The following SH3BGRL variants were observed in gnomAD, a reference collection of about 807,000 sequenced individuals.
SH3BGRL encodes the protein SH3 domain binding glutamate rich protein like.
In SH3BGRL, 7 loss-of-function variants were observed where a neutral mutation model predicts 9.8. That is an observed-to-expected ratio of 0.72 (90% confidence interval 0.41 to 1.35). The LOEUF is 1.35. Among genes scored for constraint, SH3BGRL ranks in the 40% most tolerant of loss-of-function variants. The pLI is 0.01. For synonymous variants in SH3BGRL, 36 were observed against 29.1 expected, an observed-to-expected ratio of 1.24 and a Z score of -0.76; for missense variants, 73 against 84.4, an observed-to-expected ratio of 0.86 and a Z score of 0.53.
At chrX:81,282,858 T>C (rs1465299425) in intron 3 of SH3BGRL, among the ~76,000 whole-genome samples, 9 of 110,671 alleles carry the variant, frequency 8.1e-5, no homozygotes, top group African/African-American at 3.0e-4. Flanking sequence ...AACAAAAAAA[T>C]ACAAAAGATA....
At chrX:81,225,343 G>A (rs150845611) in intron 1 of SH3BGRL, among the ~76,000 whole-genome samples, 2,012 of 110,001 alleles carry the variant, frequency 0.018, 46 homozygotes, top group African/African-American at 0.062. Context: ...ATATTACATC[G>A]TGCACTCATC....
At chrX:81,227,013 T>C (rs1051987491) in intron 1 of SH3BGRL, among the ~76,000 whole-genome samples, 2 of 112,436 alleles carry the variant, frequency 1.8e-5, no homozygotes, top group Admixed American at 1.9e-4. Flanking sequence ...CATTTATCCT[T>C]GTGCAGTTCA....
chrX:81,273,849 A>C (rs1164697585), intron 1 of SH3BGRL, among the ~76,000 whole-genome samples: 1 of 111,052 alleles, frequency 9.0e-6, no homozygotes, highest in African/African-American at 3.3e-5. Context: ...GAGCTTGCTA[A>C]GACTTGTGGG....
Position 81,294,987 on chromosome X carries a change from G to T in SH3BGRL, c.313-2208G>T, listed in dbSNP as rs1287136046. The stretch of plus-strand genomic sequence containing the variant: ...TGTTTTGGCCAATTTCTCCCATTTG[G>T]AACATCTGTATTTACCCAATGCCTG... On this transcript the variant is annotated intron_variant, in intron 3 of 3. Coordinates refer to ENST00000373212, the MANE Select transcript of SH3BGRL (RefSeq NM_003022.3). 4.5e-5 allele frequency among the ~76,000 whole-genome samples: 5 copies of T among 112,130 alleles called. No homozygotes were observed. In the East Asian group the frequency reaches 1.4e-3, roughly 32 times the overall value.
intron 1 of SH3BGRL, chrX:81,255,562 G>A (rs967552440): frequency 9.0e-6 from 1 of 111,568 alleles, no homozygotes; most frequent in Non-Finnish European, 1.9e-5. Context: ...GTTGAATTGG[G>A]GCATTGTGTG....
At chrX:81,229,133 A>G (rs2075625294) in intron 1 of SH3BGRL, among the ~76,000 whole-genome samples, 1 of 111,073 alleles carries the variant, frequency 9.0e-6, no homozygotes, top group African/African-American at 3.3e-5. Flanking sequence ...ATTAGTAATT[A>G]AGGAGATTCT....
At chrX:81,226,593 A>T in intron 1 of SH3BGRL, among the ~76,000 whole-genome samples, 1 of 102,248 alleles carries the variant, frequency 9.8e-6, no homozygotes. Context: ...TATTTATTTT[A>T]TGTATTTATA....
intron 1 of SH3BGRL, among the ~76,000 whole-genome samples, chrX:81,271,856 A>T (rs1030414832): frequency 9.0e-5 from 10 of 111,215 alleles, no homozygotes; most frequent in Non-Finnish European, 1.5e-4. Context: ...CAAGCTGAAA[A>T]AAAAGGTGTA....
chrX:81,247,016 A>C (rs1284018444), intron 1 of SH3BGRL, among the ~76,000 whole-genome samples: 1 of 111,442 alleles, frequency 9.0e-6, no homozygotes, highest in Non-Finnish European at 1.9e-5. Flanking sequence ...TGTTATAGAG[A>C]TCTTTCACAT....
At chrX:81,218,970 A>G (rs1207333824) in intron 1 of SH3BGRL, among the ~76,000 whole-genome samples, 1 of 109,851 alleles carries the variant, frequency 9.1e-6, no homozygotes, top group Non-Finnish European at 1.9e-5. Context: ...TACGAAATCA[A>G]CACACAAAAA....
chrX:81,228,334 G>A (rs750120969), intron 1 of SH3BGRL, among the ~76,000 whole-genome samples: 16 of 111,595 alleles, frequency 1.4e-4, no homozygotes, highest in Admixed American at 1.9e-4. Flanking sequence ...TGCTGGGAGC[G>A]GGGACAGCTT....
chrX:81,265,895 G>A (rs896610294), intron 1 of SH3BGRL, among the ~76,000 whole-genome samples: 6 of 111,632 alleles, frequency 5.4e-5, no homozygotes, highest in African/African-American at 9.8e-5. Flanking sequence ...TTTAATGATC[G>A]CCATTCTAAC....
At chrX:81,218,794 T>TACATAGATATAG (rs761928278) in intron 1 of SH3BGRL, among the ~76,000 whole-genome samples, 12 of 100,255 alleles carry the variant, frequency 1.2e-4, no homozygotes, top group African/African-American at 3.9e-4. Flanking sequence ...TCTGTATGTA[T>TACATAGATATAG]ATATAGATAT....
chrX:81,289,238 A>G (rs1289166314), intron 3 of SH3BGRL, among the ~76,000 whole-genome samples: 1 of 112,069 alleles, frequency 8.9e-6, no homozygotes, highest in Non-Finnish European at 1.9e-5. Flanking sequence ...GAAGAATGAA[A>G]CTTGACCCCT....
At chrX:81,230,885 A>G (rs982577780) in intron 1 of SH3BGRL, among the ~76,000 whole-genome samples, 2 of 111,531 alleles carry the variant, frequency 1.8e-5, no homozygotes, top group African/African-American at 6.5e-5. Context: ...TGAAAGCTGG[A>G]TTCCCCTAAC....
At position 81,216,789 on chromosome X, in the gene SH3BGRL, C is replaced by A. The variant is rs758677828; in HGVS notation, c.45+14544C>A. Among the ~76,000 whole-genome samples, 5 of 111,586 alleles carry A rather than the reference C, an allele frequency of 4.5e-5. No individual in the cohort carries two copies. In the East Asian group the frequency reaches 1.4e-3, roughly 31 times the overall value. On this transcript the variant is annotated intron_variant, in intron 1 of 3. Coordinates refer to ENST00000373212, the MANE Select transcript of SH3BGRL (RefSeq NM_003022.3). ...TGAAAGGATCTCATTCTTTTTATAA[C>A]TGAGTAATACTCCATTGTGTATATG... is the stretch of plus-strand genomic sequence containing the variant.
At chrX:81,231,311 C>T (rs1396900650) in intron 1 of SH3BGRL, among the ~76,000 whole-genome samples, 1 of 112,048 alleles carries the variant, frequency 8.9e-6, no homozygotes, top group Non-Finnish European at 1.9e-5. Flanking sequence ...ACTTATCACT[C>T]CTAACTCAGT....
intron 1 of SH3BGRL, among the ~76,000 whole-genome samples, chrX:81,227,225 C>G (rs781558382): frequency 8.9e-6 from 1 of 112,148 alleles, no homozygotes; most frequent in South Asian, 3.7e-4. Context: ...AGACCTGACA[C>G]CAGTTAGAAA....
intron 1 of SH3BGRL, among the ~76,000 whole-genome samples, chrX:81,276,123 TA>T (rs2075797774): frequency 9.0e-6 from 1 of 110,846 alleles, no homozygotes. Flanking sequence ...AAATAGGGGT[TA>T]ATTACCATTG....
Sources: gnomAD v4.1 joint callset for allele counts (sites outside exome capture counted in the v4.1 genomes callset) on GRCh38, gnomAD v4.1.1 for gene constraint, MANE v1.5 for transcripts, NCBI Gene and HGNC (gene_info 2026-07-23, HGNC 2026-07-21) for gene names.